The following FBXO4 variants were observed in gnomAD, a reference collection of about 807,000 sequenced individuals.
FBXO4 encodes F-box protein 4, also known as F-box only protein 4.
FBXO4 carries 36 observed loss-of-function variants against 43.7 expected under a neutral mutation model. The observed-to-expected ratio is 0.82, with a 90% CI of 0.63 to 1.09. The LOEUF is 1.09. Ranked by LOEUF, FBXO4 falls within the 50% of genes least tolerant of loss-of-function variation. The pLI is 0.00. For missense variants in FBXO4, 435 were observed against 474.1 expected (o/e 0.92, Z 0.77); for synonymous variants, 180 against 165.6 (o/e 1.09, Z -0.67).
At chr5:41,963,376 A>T in the FBXO4 span, among the ~76,000 whole-genome samples, 1 of 152,148 alleles carries the variant, frequency 6.6e-6, no homozygotes, top group Non-Finnish European at 1.5e-5. Flanking sequence ...TAAGAGTGAC[A>T]TTCAAAACCA....
At chr5:41,983,379 A>G in the FBXO4 span, among the ~76,000 whole-genome samples, 1 of 152,116 alleles carries the variant, frequency 6.6e-6, no homozygotes, top group Non-Finnish European at 1.5e-5. Context: ...TGCACTTCTA[A>G]TACTGTCAAC....
chr5:42,013,601 C>T, the FBXO4 span, among the ~76,000 whole-genome samples: 5 of 152,210 alleles, frequency 3.3e-5, no homozygotes, highest in Non-Finnish European at 4.4e-5. Context: ...TCTCCCTCTC[C>T]ATTCTCACTT....
the FBXO4 span, among the ~76,000 whole-genome samples, chr5:42,036,173 A>G: frequency 6.6e-6 from 1 of 152,150 alleles, no homozygotes; most frequent in Non-Finnish European, 1.5e-5. Flanking sequence ...ATAAATTTAA[A>G]TGGTGGCTTT....
At chr5:42,028,519 T>C in the FBXO4 span, among the ~76,000 whole-genome samples, 1 of 151,810 alleles carries the variant, frequency 6.6e-6, no homozygotes, top group Non-Finnish European at 1.5e-5. Flanking sequence ...AGTCCATTTA[T>C]ATTCAATGTT....
chr5:41,954,995 T>C, the FBXO4 span, among the ~76,000 whole-genome samples: 1 of 152,176 alleles, frequency 6.6e-6, no homozygotes, highest in Non-Finnish European at 1.5e-5. Flanking sequence ...GAGTTTTTAG[T>C]TGCTCTATGA....
At chr5:42,027,876 C>A in the FBXO4 span, among the ~76,000 whole-genome samples, 2 of 151,830 alleles carry the variant, frequency 1.3e-5, no homozygotes, top group African/African-American at 2.4e-5. Context: ...TGGTTACATT[C>A]CATTGTGGCC....
the FBXO4 span, among the ~76,000 whole-genome samples, chr5:41,982,687 T>C: frequency 6.6e-6 from 1 of 152,174 alleles, no homozygotes; most frequent in South Asian, 2.1e-4. Flanking sequence ...ATAATTGATA[T>C]AGTCGAATTT....
the FBXO4 span, among the ~76,000 whole-genome samples, chr5:42,023,498 G>C: frequency 3.9e-5 from 6 of 151,978 alleles, no homozygotes; most frequent in Admixed American, 3.9e-4. Context: ...TGGGTACATG[G>C]TCTATAATAA....
the FBXO4 span, among the ~76,000 whole-genome samples, chr5:41,977,589 G>T: frequency 6.6e-6 from 1 of 152,078 alleles, no homozygotes; most frequent in Non-Finnish European, 1.5e-5. Context: ...CTTTGCTCAA[G>T]TTCCTAATAA....
the FBXO4 span, among the ~76,000 whole-genome samples, chr5:41,983,208 A>C: frequency 6.6e-6 from 1 of 152,196 alleles, no homozygotes; most frequent in Non-Finnish European, 1.5e-5. Context: ...TAGTAAAATG[A>C]TTTATAATCC....
chr5:41,964,737 T>A, the FBXO4 span, among the ~76,000 whole-genome samples: 8 of 152,150 alleles, frequency 5.3e-5, no homozygotes, highest in Non-Finnish European at 2.9e-5. Flanking sequence ...GTTGTTTGTT[T>A]TTTTCTTGTA....
the FBXO4 span, among the ~76,000 whole-genome samples, chr5:42,026,064 A>G: frequency 6.6e-6 from 1 of 151,788 alleles, no homozygotes; most frequent in East Asian, 1.9e-4. Context: ...TGTTTTGTCT[A>G]TTTCTGAGAA....
At chr5:42,012,984 G>C in the FBXO4 span, among the ~76,000 whole-genome samples, 2 of 152,150 alleles carry the variant, frequency 1.3e-5, no homozygotes, top group Admixed American at 1.3e-4. Context: ...GTCACACCTA[G>C]TACTGAGTGG....
At position 41,934,148 on chromosome 5, in the gene FBXO4, A is replaced by G; in HGVS notation, c.738A>G (p.Arg246=). The change falls in exon 5 of 7, where the codon AGA becomes AGG. Residue 246 remains arginine (R), a synonymous_variant. Transcript: ENST00000281623. ...TTTTTTCTAGAAAGGAAAGAGATAGAGCAAGGGAAGAGCATACAAGTGCAG... is the reference window on the plus strand; with the variant it reads ...TTTTTTCTAGAAAGGAAAGAGATAGGGCAAGGGAAGAGCATACAAGTGCAG... ...LYSTTRKERD[R]AREEHTSAVN... 1 of 1,614,018 alleles carries G rather than the reference A, an allele frequency of 6.2e-7. No individual in the cohort carries two copies.
At chr5:41,995,309 G>A in the FBXO4 span, among the ~76,000 whole-genome samples, 1 of 152,194 alleles carries the variant, frequency 6.6e-6, no homozygotes, top group Admixed American at 6.5e-5. Context: ...TGGAGTAAGT[G>A]TTCATTCCAA....
chr5:41,926,791 G>A (rs113354704), intron 1 of FBXO4, among the ~76,000 whole-genome samples: 3 of 152,158 alleles, frequency 2.0e-5, no homozygotes, highest in Non-Finnish European at 4.4e-5. Context: ...TGTTTCAGGT[G>A]TTTCAGAAAT....
the FBXO4 span, among the ~76,000 whole-genome samples, chr5:41,948,434 C>T: frequency 1.3e-5 from 2 of 152,102 alleles, no homozygotes; most frequent in Admixed American, 6.5e-5. Context: ...CGCGCCTGGC[C>T]ACTAGTGGCT....
At chr5:41,942,465 T>C (rs1561173570), downstream of FBXO4, among the ~76,000 whole-genome samples, 1 of 151,148 alleles carries the variant, frequency 6.6e-6, no homozygotes. Context: ...TAAGATATTA[T>C]ATCTGATGAA....
chr5:41,967,578 C>A, the FBXO4 span: 1 of 1,119,670 alleles, frequency 8.9e-7, no homozygotes, highest in Admixed American at 1.8e-5. Flanking sequence ...GGCATTACAA[C>A]ATTTTTTGAC....
Sources: allele counts gnomAD v4.1 joint callset (sites outside exome capture counted in the v4.1 genomes callset), GRCh38; gene constraint gnomAD v4.1.1; transcripts MANE v1.5; gene names NCBI Gene and HGNC (gene_info 2026-07-23, HGNC 2026-07-21).